XRN2: variants seen among roughly 807,000 people sequenced by gnomAD.
The protein encoded by XRN2 is DHM1-like protein.
Under a neutral mutation model 138.5 loss-of-function variants are expected in XRN2, and 44 were observed. That is an observed-to-expected ratio of 0.32 (90% confidence interval 0.25 to 0.41). The LOEUF (loss-of-function observed/expected upper bound fraction) is 0.41. XRN2 is among the 10% of genes least tolerant of loss of function. The pLI is 1.00. For synonymous variants in XRN2, 354 were observed against 369.4 expected (o/e 0.96, Z 0.48); for missense variants, 937 against 1,169.3 (o/e 0.80, Z 2.90).
At chr20:21,360,061 A>G (rs17744318) in intron 24 of XRN2, among the ~76,000 whole-genome samples, 12,006 of 152,204 alleles carry the variant, frequency 0.079, 594 homozygotes, top group East Asian at 0.16. Flanking sequence ...CCCTTAGAGA[A>G]TATAGTCAAC....
intron 4 of XRN2, 136 bp from the exon 5 acceptor site, chr20:21,330,345 G>A: frequency 1.5e-6 from 1 of 675,078 alleles, no homozygotes; most frequent in Non-Finnish European, 2.4e-6. Context: ...TTCCCAGTGA[G>A]GGAACATTTT....
At chr20:21,369,720 G>A (rs1156659161) in intron 27 of XRN2, among the ~76,000 whole-genome samples, 1 of 152,090 alleles carries the variant, frequency 6.6e-6, no homozygotes, top group Admixed American at 6.6e-5. Context: ...AGATTATTAG[G>A]TTTTTTTCCT....
chr20:21,368,848 GTAA>G (rs2038731923), intron 27 of XRN2, among the ~76,000 whole-genome samples: 1 of 152,112 alleles, frequency 6.6e-6, no homozygotes, highest in Admixed American at 6.6e-5. Flanking sequence ...CATACAATGA[GTAA>G]TAATCACATC....
At position 21,372,575 on chromosome 20, in the gene XRN2, C is replaced by A. The variant is rs537861600; in HGVS notation, c.2584+3985C>A. On this transcript the variant is annotated intron_variant, in intron 27 of 29. Transcript: ENST00000377191. The stretch of plus-strand genomic sequence containing the variant: ...AAAACATAAAAAACACCCATAATTC[C>A]ACAGTCCCGAAATAAGCAGTGTTTC... 1.1e-4 allele frequency among the ~76,000 whole-genome samples: 17 copies of A among 152,146 alleles called. No individual in the cohort carries two copies. In the East Asian group the frequency reaches 3.3e-3, roughly 29 times the overall value.
At chr20:21,328,989 G>C (rs927834932) in intron 4 of XRN2, among the ~76,000 whole-genome samples, 1 of 152,114 alleles carries the variant, frequency 6.6e-6, no homozygotes, top group Non-Finnish European at 1.5e-5. Flanking sequence ...AATATAGTAA[G>C]TATTTTTTAC....
Position 21,351,365 on chromosome 20 carries a change from G to A in XRN2, c.1936+1904G>A, listed in dbSNP as rs569505506. On this transcript the variant is annotated intron_variant, in intron 20 of 29. Coordinates refer to ENST00000377191, the MANE Select transcript of XRN2 (RefSeq NM_012255.5). Reference sequence around the variant, plus strand: ...CTAATGATTAGTGATACTGAACATCGTTTCATGTCCTTTTTGGCCATTTCT... The same window carrying A: ...CTAATGATTAGTGATACTGAACATCATTTCATGTCCTTTTTGGCCATTTCT... Among the ~76,000 whole-genome samples the A allele has an allele frequency of 3.9e-5, 6 of 152,214 alleles. No individual in the cohort carries two copies. The East Asian group carries it at 9.6e-4, about 24-fold the overall frequency.
chr20:21,310,995 C>A (rs1261658635), intron 1 of XRN2, among the ~76,000 whole-genome samples: 2 of 152,088 alleles, frequency 1.3e-5, no homozygotes, highest in African/African-American at 2.4e-5. Context: ...TCGTGATCTG[C>A]CCGCCTCTGC....
chr20:21,369,113 C>G (rs1042598852), intron 27 of XRN2, among the ~76,000 whole-genome samples: 1 of 152,042 alleles, frequency 6.6e-6, no homozygotes, highest in Non-Finnish European at 1.5e-5. Flanking sequence ...TCTGTCTCCA[C>G]GAGTTCAGTT....
chr20:21,319,780 A>C (rs1255420440), intron 1 of XRN2, among the ~76,000 whole-genome samples: 1 of 152,034 alleles, frequency 6.6e-6, no homozygotes, highest in African/African-American at 2.4e-5. Context: ...TTTTTTTAAG[A>C]GTTACTTTAC....
rs759778332 is a variant in XRN2, at chr20:21,368,481, C to G, written c.2475C>G (p.Gly825=). The G allele has an allele frequency of 3.1e-6, 5 of 1,613,874 alleles. No homozygotes were observed. The highest frequency in any genetic ancestry group is 3.4e-6 in the Non-Finnish European group (4 of 1,179,906). The part of the protein sequence containing the change: ...FRTLGHVMPR[G]SGTGIYSNAA... Reference sequence around the variant, plus strand: ...TTTATAGCCATGTGATGCCAAGAGGCTCAGGAACTGGCATTTACAGCAATG... The same window carrying G: ...TTTATAGCCATGTGATGCCAAGAGGGTCAGGAACTGGCATTTACAGCAATG... Residue 825 remains glycine (G), a synonymous_variant, in exon 27 of 30, where the codon GGC becomes GGG. Coordinates refer to ENST00000377191, the MANE Select transcript of XRN2 (RefSeq NM_012255.5).
At chr20:21,323,509 A>AC (rs2038077293) in intron 1 of XRN2, among the ~76,000 whole-genome samples, 1 of 152,196 alleles carries the variant, frequency 6.6e-6, no homozygotes, top group Non-Finnish European at 1.5e-5. Flanking sequence ...ATAGCATTGG[A>AC]CAAGGTTCTT....
At chr20:21,303,801 G>A (rs1236267599) in intron 1 of XRN2, 4 of 1,094,912 alleles carry the variant, frequency 3.7e-6, no homozygotes, top group South Asian at 3.7e-5. Context: ...CGCGCATTTT[G>A]GGTCTCGGAA....
Position 21,357,827 on chromosome 20 carries a change from A to G in XRN2, c.2255+35A>G, listed in dbSNP as rs1297955935. The G allele has an allele frequency of 3.2e-6, 5 of 1,564,560 alleles. No individual in the cohort carries two copies. In the Admixed American group the frequency reaches 9.4e-5, roughly 29 times the overall value. On this transcript the variant is annotated intron_variant, in intron 24 of 29. Transcript: ENST00000377191. ...CCAAAATTCATGGCATTCACCCAGAACACAGCTCTGAACTTGCAAATCCAT... is the reference window on the plus strand; with the variant it reads ...CCAAAATTCATGGCATTCACCCAGAGCACAGCTCTGAACTTGCAAATCCAT...
chr20:21,353,223 GATATATATATATATATATAT>G (rs869071652), intron 20 of XRN2, among the ~76,000 whole-genome samples: 16 of 113,858 alleles, frequency 1.4e-4, no homozygotes, highest in East Asian at 4.5e-4. Context: ...TAGTGGGTAG[GATATATATATATATATATAT>G]ATATATATAT....
At chr20:21,362,670 G>T (rs2038651155) in intron 24 of XRN2, among the ~76,000 whole-genome samples, 1 of 152,102 alleles carries the variant, frequency 6.6e-6, no homozygotes, top group Non-Finnish European at 1.5e-5. Flanking sequence ...AACCCTCCAT[G>T]ACCATAACCC....
intron 27 of XRN2, among the ~76,000 whole-genome samples, chr20:21,377,487 G>C (rs967334648): frequency 6.6e-6 from 1 of 151,074 alleles, no homozygotes; most frequent in African/African-American, 2.4e-5. Context: ...AAATTTCCTG[G>C]CCTCAAGTGA....
At chr20:21,345,883 A>C (rs1041953955) in intron 16 of XRN2, among the ~76,000 whole-genome samples, 1 of 152,238 alleles carries the variant, frequency 6.6e-6, no homozygotes, top group African/African-American at 2.4e-5. Flanking sequence ...GCAAGGATAG[A>C]GAGAGTAGGT....
At chr20:21,366,643 A>C (rs1243203233) in intron 26 of XRN2, among the ~76,000 whole-genome samples, 3 of 152,088 alleles carry the variant, frequency 2.0e-5, no homozygotes, top group Non-Finnish European at 4.4e-5. Context: ...GCAGACCACC[A>C]CTACTACTAT....
intron 13 of XRN2, among the ~76,000 whole-genome samples, chr20:21,337,896 T>C (rs1171380998): frequency 6.6e-6 from 1 of 152,142 alleles, no homozygotes; most frequent in Non-Finnish European, 1.5e-5. Context: ...AGGACTGAAA[T>C]CTGACTAATG....
Sources: gnomAD v4.1 joint callset for allele counts (sites outside exome capture counted in the v4.1 genomes callset) on GRCh38, gnomAD v4.1.1 for gene constraint, MANE v1.5 for transcripts, NCBI Gene and HGNC (gene_info 2026-07-23, HGNC 2026-07-21) for gene names.